The following WDR44 variants were observed in gnomAD, a reference collection of about 807,000 sequenced individuals.
WDR44 encodes the protein WD repeat-containing protein 44.
A neutral mutation model predicts 65.7 loss-of-function variants in WDR44; 9 were observed. The observed-to-expected ratio is 0.14, with a 90% confidence interval of 0.08 to 0.24. The LOEUF (loss-of-function observed/expected upper bound fraction) is 0.24, where lower values mean the gene tolerates loss of function less well. Ranked by LOEUF, WDR44 falls within the 10% of genes least tolerant of loss-of-function variation. The pLI is 1.00. For synonymous variants in WDR44, 220 were observed against 235.2 expected, an observed-to-expected ratio of 0.94 and a Z score of 0.59; for missense variants, 425 against 670.9, an observed-to-expected ratio of 0.63 and a Z score of 4.05.
chrX:118,417,285 A>T (rs1304876892), intron 12 of WDR44, among the ~76,000 whole-genome samples: 1 of 111,035 alleles, frequency 9.0e-6, no homozygotes. Context: ...GTTCTGTATG[A>T]TTTATGCTTT....
chrX:118,429,457 T>G (rs2057187977), intron 12 of WDR44, among the ~76,000 whole-genome samples: 1 of 107,876 alleles, frequency 9.3e-6, no homozygotes, highest in Non-Finnish European at 1.9e-5. Context: ...GGTGTGGTGC[T>G]GTGTGCCTAT....
rs372384116 is a variant in WDR44, at chrX:118,398,468, A to G, written c.1272A>G (p.Lys424=). 1 of 1,197,237 alleles carries G rather than the reference A, an allele frequency of 8.4e-7. No individual in the cohort carries two copies. Residue 424 remains lysine (K), a splice_region_variant and synonymous_variant, in exon 8 of 20, where the codon AAA becomes AAG. Transcript: ENST00000254029. ...CTGATGGTGGAAGGTTAAAACAGAA[A>G]ACGTGAGTTACAGTACATCCCTTTT... is the stretch of plus-strand genomic sequence containing the variant. ...TDTDGGRLKQ[K]TTQLKKFLGK...
chrX:118,414,589 C>A (rs1386645907), intron 12 of WDR44, among the ~76,000 whole-genome samples: 1 of 111,248 alleles, frequency 9.0e-6, no homozygotes, highest in Non-Finnish European at 1.9e-5. Flanking sequence ...TTGTAGATGT[C>A]TTTCGCCTCT....
chrX:118,376,423 G>A (rs959033670), intron 1 of WDR44, among the ~76,000 whole-genome samples: 14 of 111,496 alleles, frequency 1.3e-4, no homozygotes, highest in African/African-American at 4.6e-4. Flanking sequence ...ACGACTTTGA[G>A]GAAAAGTCAC....
intron 14 of WDR44, among the ~76,000 whole-genome samples, chrX:118,437,142 A>G (rs192805454): frequency 4.5e-3 from 501 of 111,610 alleles, no homozygotes; most frequent in African/African-American, 0.015. Context: ...TAAATGAGAA[A>G]GGGAAGTACC....
At chrX:118,378,502 A>G (rs753044179) in intron 2 of WDR44, 50 bp downstream of exon 2, 1 of 1,123,791 alleles carries the variant, frequency 8.9e-7, no homozygotes, top group South Asian at 1.9e-5. Flanking sequence ...TATACTTTTT[A>G]TTCGTGTTTT....
At chrX:118,425,518 G>C (rs1432260301) in intron 12 of WDR44, among the ~76,000 whole-genome samples, 1 of 109,396 alleles carries the variant, frequency 9.1e-6, no homozygotes, top group Non-Finnish European at 1.9e-5. Context: ...TGTGGTGGCA[G>C]GTGCCTGTAT....
intron 1 of WDR44, among the ~76,000 whole-genome samples, chrX:118,350,363 T>C (rs1210935941): frequency 9.0e-6 from 1 of 111,577 alleles, no homozygotes; most frequent in Non-Finnish European, 1.9e-5. Context: ...TACTGGGCTG[T>C]CTTTTGATAG....
rs757542334 is a variant in WDR44 at position 118,368,459 on chromosome X, C to CTATATATATA, written c.78-9947_78-9938dup. 3.6e-3 allele frequency among the ~76,000 whole-genome samples: 260 copies of CTATATATATA among 72,874 alleles called. 23 individuals are homozygous for CTATATATATA. Among genetic ancestry groups the CTATATATATA allele is most frequent in the African/African-American group, 0.016 (218 of 13,818 alleles). The allele number at this position is 72,874 out of a possible 115,157, so 63.3% of individuals were successfully genotyped here. A position where few individuals can be genotyped will look rare whatever the true frequency, so the allele number is the denominator to read the frequency against. On this transcript the variant is annotated intron_variant, in intron 1 of 19. Transcript: ENST00000254029. ...CCACATACATGTTTTGAAATAGTGA[C>CTATATATATA]TATATATATATATATATATATACTT...
chrX:118,377,976 A>C (rs1487371705), intron 1 of WDR44, among the ~76,000 whole-genome samples: 1 of 108,903 alleles, frequency 9.2e-6, no homozygotes, highest in Non-Finnish European at 1.9e-5. Flanking sequence ...TTTCTTTTTG[A>C]GATGGAGTCT....
At chrX:118,438,067 A>AT (rs898805746) in intron 14 of WDR44, among the ~76,000 whole-genome samples, 3 of 110,299 alleles carry the variant, frequency 2.7e-5, no homozygotes, top group African/African-American at 9.9e-5. Context: ...TTGGTTAAGA[A>AT]TTTTGGTGGC....
At chrX:118,400,110 A>G (rs2056898714) in intron 8 of WDR44, among the ~76,000 whole-genome samples, 1 of 110,785 alleles carries the variant, frequency 9.0e-6, no homozygotes, top group African/African-American at 3.3e-5. Context: ...CCAAAAAAAA[A>G]AAACTCATAG....
chrX:118,350,008 A>G (rs1427129173), intron 1 of WDR44, among the ~76,000 whole-genome samples: 1 of 109,476 alleles, frequency 9.1e-6, no homozygotes, highest in Non-Finnish European at 1.9e-5. Context: ...AGAGGTGGAC[A>G]GAGATCCTCC....
chrX:118,397,375 CAGTG>C (rs1405426024), intron 7 of WDR44, among the ~76,000 whole-genome samples: 1 of 111,007 alleles, frequency 9.0e-6, no homozygotes, highest in East Asian at 2.8e-4. Flanking sequence ...AATATAAAAA[CAGTG>C]AGGCAGCCAG....
chrX:118,385,491 T>C (rs1166157236), intron 2 of WDR44, among the ~76,000 whole-genome samples: 4 of 110,775 alleles, frequency 3.6e-5, no homozygotes, highest in African/African-American at 1.3e-4. Context: ...CAACACATGT[T>C]GAGGCCTATC....
chrX:118,414,690 T>C (rs933811842), intron 12 of WDR44, among the ~76,000 whole-genome samples: 1 of 112,035 alleles, frequency 8.9e-6, no homozygotes, highest in Non-Finnish European at 1.9e-5. Context: ...TGGTTGCTGT[T>C]GGTGTATACA....
At chrX:118,373,359 T>G (rs985498921) in intron 1 of WDR44, among the ~76,000 whole-genome samples, 4 of 111,640 alleles carry the variant, frequency 3.6e-5, no homozygotes, top group African/African-American at 1.3e-4. Context: ...AACCTACTCA[T>G]GTACTTATTT....
chrX:118,372,040 A>T, intron 1 of WDR44, among the ~76,000 whole-genome samples: 1 of 98,283 alleles, frequency 1.0e-5, no homozygotes, highest in African/African-American at 3.8e-5. Flanking sequence ...AGAAAAAAAT[A>T]TTTTTCTAGT....
chrX:118,369,500 T>C (rs1266610349), intron 1 of WDR44, among the ~76,000 whole-genome samples: 62 of 76,945 alleles, frequency 8.1e-4, no homozygotes, highest in African/African-American at 2.3e-3. Flanking sequence ...AATGGAGTCT[T>C]GCTCTGTCAC....
Sources: allele counts gnomAD v4.1 joint callset (sites outside exome capture counted in the v4.1 genomes callset), GRCh38; gene constraint gnomAD v4.1.1; transcripts MANE v1.5; gene names NCBI Gene and HGNC (gene_info 2026-07-23, HGNC 2026-07-21).